The following CHN2 variants were observed in gnomAD, a reference collection of about 807,000 sequenced individuals.
The protein encoded by CHN2 is chimerin 2.
A neutral mutation model predicts 56.3 loss-of-function variants in CHN2; 35 were observed. That is an observed-to-expected ratio of 0.62 (90% CI 0.47 to 0.82). The LOEUF is 0.82. CHN2 is among the 40% of genes least tolerant of loss of function. The pLI is 0.00. For synonymous variants in CHN2, 210 were observed against 212.8 expected (o/e 0.99, Z 0.12); for missense variants, 491 against 580.5 (o/e 0.85, Z 1.58).
intron 3 of CHN2, among the ~76,000 whole-genome samples, chr7:29,370,552 T>C (rs7810666): frequency 0.75 from 113,450 of 151,904 alleles, 42,680 homozygotes; most frequent in Middle Eastern, 0.8. Flanking sequence ...AATCTATCTC[T>C]TCCCAGCTAC....
intron 3 of CHN2, among the ~76,000 whole-genome samples, chr7:29,368,649 C>T (rs10240332): frequency 0.03 from 4,508 of 152,098 alleles, 234 homozygotes; most frequent in African/African-American, 0.1. Context: ...TATAGAGCCA[C>T]GGATAGCTTT....
chr7:29,500,050 AT>A lies in CHN2; in HGVS notation c.913+11del. The A allele has an allele frequency of 6.6e-7, 1 of 1,521,302 alleles. No individual in the cohort carries two copies. Among genetic ancestry groups the A allele is most frequent in the Non-Finnish European group, 8.8e-7 (1 of 1,131,998 alleles). 94.2% of individuals were successfully genotyped at this position (1,521,302 alleles called of 1,614,324 possible). ...GAAATTGAAGCAAGAGGTTTGGAAA[AT>A]ACTTCCTATTATAGTAGTATAGTGA... is the stretch of plus-strand genomic sequence containing the variant. On this transcript the variant is annotated intron_variant, in intron 9 of 12. Coordinates refer to ENST00000222792, the MANE Select transcript of CHN2 (RefSeq NM_004067.4).
At chr7:29,317,559 C>T (rs539210202) in intron 1 of CHN2, among the ~76,000 whole-genome samples, 3 of 152,310 alleles carry the variant, frequency 2.0e-5, no homozygotes, top group South Asian at 2.1e-4. Context: ...ACATGCATAT[C>T]GAAGTTTCAG....
intron 1 of CHN2, among the ~76,000 whole-genome samples, chr7:29,228,457 C>T (rs1786401024): frequency 6.6e-6 from 1 of 152,202 alleles, no homozygotes; most frequent in Admixed American, 6.5e-5. Context: ...TGTGTAAGCA[C>T]ACGCTATGAT....
chr7:29,405,221 A>ACACACG (rs1802552624), intron 6 of CHN2, among the ~76,000 whole-genome samples: 1 of 141,424 alleles, frequency 7.1e-6, no homozygotes, highest in Non-Finnish European at 1.5e-5. Context: ...ACACACACAC[A>ACACACG]CGGCAGTTCC....
At chr7:29,508,119 C>T (rs966024507) in intron 11 of CHN2, among the ~76,000 whole-genome samples, 1 of 152,110 alleles carries the variant, frequency 6.6e-6, no homozygotes, top group Admixed American at 6.6e-5. Context: ...TATTATAATC[C>T]CATTTTACAA....
At chr7:29,395,137 G>A (rs1038612951) in intron 4 of CHN2, among the ~76,000 whole-genome samples, 7 of 152,234 alleles carry the variant, frequency 4.6e-5, no homozygotes, top group Non-Finnish European at 5.9e-5. Flanking sequence ...ATACCTTTAG[G>A]GAGAGAGGAA....
At chr7:29,334,650 G>C (rs2128907496) in intron 1 of CHN2, 1 of 152,492 alleles carries the variant, frequency 6.6e-6, no homozygotes, top group South Asian at 2.1e-4. Flanking sequence ...TAGCTACTCA[G>C]GCGGCTGAAG....
At chr7:29,410,372 G>T (rs1803090537) in intron 6 of CHN2, among the ~76,000 whole-genome samples, 1 of 151,886 alleles carries the variant, frequency 6.6e-6, no homozygotes, top group South Asian at 2.1e-4. Context: ...TTGTTTATTA[G>T]TCTAGGTGGG....
intron 1 of CHN2, among the ~76,000 whole-genome samples, chr7:29,240,798 CTCTTCT>C (rs559491542): frequency 1.1e-4 from 15 of 133,396 alleles, no homozygotes; most frequent in African/African-American, 3.2e-4. Context: ...CTTCTTCTTC[CTCTTCT>C]TCTTCTTCTT....
intron 1 of CHN2, among the ~76,000 whole-genome samples, chr7:29,270,673 A>G (rs1250892024): frequency 9.8e-6 from 1 of 101,634 alleles, no homozygotes; most frequent in African/African-American, 4.4e-5. Context: ...TCAAAAAATA[A>G]TAATAAAATA....
chr7:29,340,216 ATGAGTTTTAATT>A (rs1796935463), intron 1 of CHN2, among the ~76,000 whole-genome samples: 1 of 152,204 alleles, frequency 6.6e-6, no homozygotes, highest in African/African-American at 2.4e-5. Flanking sequence ...TATTTTAAGC[ATGAGTTTTAATT>A]TGTACAAATA....
At chr7:29,321,759 G>A (rs1164384322) in intron 1 of CHN2, among the ~76,000 whole-genome samples, 2 of 151,728 alleles carry the variant, frequency 1.3e-5, no homozygotes, top group African/African-American at 4.8e-5. Context: ...TAGTAGAGAC[G>A]GGGTTTCTCC....
At chr7:29,158,576 A>G (rs1428271967) in intron 2 of CHN2, among the ~76,000 whole-genome samples, 1 of 152,184 alleles carries the variant, frequency 6.6e-6, no homozygotes, top group African/African-American at 2.4e-5. Flanking sequence ...TATTTCCTTC[A>G]ACATCCTCTA....
At chr7:29,270,232 G>T (rs1256018354) in intron 1 of CHN2, among the ~76,000 whole-genome samples, 2 of 152,150 alleles carry the variant, frequency 1.3e-5, no homozygotes, top group South Asian at 4.1e-4. Context: ...TAGTCTTATT[G>T]TTTCAGTCCC....
rs752141823 is a variant in CHN2, at chr7:29,512,959, G to A, written c.*224G>A. On this transcript the variant is annotated 3_prime_UTR_variant, in exon 13 of 13. Transcript: ENST00000222792. The stretch of plus-strand genomic sequence containing the variant: ...AGCCCCTCACCTTGGGTCTTTTGCT[G>A]TGCCTCCTATGTATGTCTGGTTTGC... The A allele has an allele frequency of 7.5e-5, 34 of 453,350 alleles. No individual in the cohort carries two copies. Among genetic ancestry groups the A allele is most frequent in the African/African-American group, 5.1e-4 (26 of 51,274 alleles). 28.1% of individuals were successfully genotyped at this position (453,350 alleles called of 1,614,324 possible).
At chr7:29,252,357 T>G (rs917135220) in intron 1 of CHN2, among the ~76,000 whole-genome samples, 2 of 150,790 alleles carry the variant, frequency 1.3e-5, no homozygotes, top group Non-Finnish European at 3.0e-5. Context: ...CCCAGTGAAT[T>G]TTATGTATTT....
intron 1 of CHN2, among the ~76,000 whole-genome samples, chr7:29,281,710 A>G (rs569412436): frequency 6.6e-6 from 1 of 152,254 alleles, no homozygotes; most frequent in South Asian, 2.1e-4. Flanking sequence ...TAGCTCTTCT[A>G]CCTGCTGCTG....
At chr7:29,148,317 C>G (rs1793062053) in intron 2 of CHN2, among the ~76,000 whole-genome samples, 1 of 152,194 alleles carries the variant, frequency 6.6e-6, no homozygotes, top group African/African-American at 2.4e-5. Context: ...ACAGTAAACA[C>G]AGGAGGAGCC....
Sources: gnomAD v4.1 joint callset for allele counts (sites outside exome capture counted in the v4.1 genomes callset) on GRCh38, gnomAD v4.1.1 for gene constraint, MANE v1.5 for transcripts, NCBI Gene and HGNC (gene_info 2026-07-23, HGNC 2026-07-21) for gene names.